The following STK32B variants were observed in gnomAD, a reference collection of about 807,000 sequenced individuals.
STK32B encodes serine/threonine kinase 32B.
In STK32B, 43 loss-of-function variants were observed where a neutral mutation model predicts 52.6. The observed-to-expected ratio is 0.82, with a 90% CI of 0.64 to 1.05. The LOEUF (loss-of-function observed/expected upper bound fraction) is 1.05. STK32B is among the 50% of genes least tolerant of loss of function. The probability of loss-of-function intolerance (pLI) is 0.00; values close to 1 mark genes in which losing one functional copy is unlikely to be tolerated. For synonymous variants in STK32B, 238 were observed against 204.3 expected (o/e 1.17, Z -1.41); for missense variants, 621 against 534.6 (o/e 1.16, Z -1.59).
At chr4:5,181,041 GA>G (rs2108753024) in intron 3 of STK32B, among the ~76,000 whole-genome samples, 1 of 152,274 alleles carries the variant, frequency 6.6e-6, no homozygotes, top group African/African-American at 2.4e-5. Context: ...GGGTGTGGGA[GA>G]GGAGGAAAGG....
intron 3 of STK32B, among the ~76,000 whole-genome samples, chr4:5,323,762 A>G (rs989877993): frequency 6.6e-6 from 1 of 152,128 alleles, no homozygotes; most frequent in African/African-American, 2.4e-5. Context: ...TGCTAAATGC[A>G]GGGGATGGTG....
intron 3 of STK32B, among the ~76,000 whole-genome samples, chr4:5,224,736 T>A (rs1723757325): frequency 6.6e-6 from 1 of 151,698 alleles, no homozygotes; most frequent in Admixed American, 6.6e-5. Context: ...CATCATTAAT[T>A]AATAATATTA....
At position 5,470,895 on chromosome 4, in the gene STK32B, G is replaced by GT. The variant is rs1553896319; in HGVS notation, c.1106+2826dup. Reference sequence around the variant, plus strand: ...CCTTCTTCCCCACTTGAGCAGTGTAGTGAGTCGAGGGCTGGTCAGGGGGAG... The same window carrying GT: ...CCTTCTTCCCCACTTGAGCAGTGTAGTTGAGTCGAGGGCTGGTCAGGGGGAG... On this transcript the variant is annotated intron_variant, in intron 11 of 11. Transcript: ENST00000282908. This position sits in a 1 kb window ranked among gnomAD's most constrained non-coding sequence, Gnocchi z 4.6. Among the ~76,000 whole-genome samples the GT allele has an allele frequency of 6.6e-6, 1 of 152,238 alleles. No homozygotes were observed. The highest frequency in any genetic ancestry group is 1.5e-5 in the Non-Finnish European group (1 of 68,048).
At chr4:5,244,584 T>C (rs1449175567) in intron 3 of STK32B, among the ~76,000 whole-genome samples, 2 of 152,252 alleles carry the variant, frequency 1.3e-5, no homozygotes, top group Non-Finnish European at 2.9e-5. Context: ...CCTTCAGTTC[T>C]GCTCTGATCT....
chr4:5,136,048 G>A (rs769659371), intron 1 of STK32B, among the ~76,000 whole-genome samples: 1 of 152,114 alleles, frequency 6.6e-6, no homozygotes, highest in Non-Finnish European at 1.5e-5. Context: ...TCAGGAGGTG[G>A]TACACACTGA....
intron 1 of STK32B, among the ~76,000 whole-genome samples, chr4:5,111,900 T>G (rs1394613472): frequency 6.6e-6 from 1 of 151,922 alleles, no homozygotes; most frequent in African/African-American, 2.4e-5. Flanking sequence ...GGAAGAGAAG[T>G]GAGACAGGGA....
chr4:5,232,521 C>T (rs1724342396), intron 3 of STK32B, among the ~76,000 whole-genome samples: 1 of 152,156 alleles, frequency 6.6e-6, no homozygotes, highest in African/African-American at 2.4e-5. Flanking sequence ...AGTTAAGGGA[C>T]TCCTTGAATT....
intron 1 of STK32B, among the ~76,000 whole-genome samples, chr4:5,094,048 C>T (rs902306557): frequency 6.6e-6 from 1 of 152,170 alleles, no homozygotes; most frequent in Non-Finnish European, 1.5e-5. Flanking sequence ...GCTATAGCTA[C>T]ACTGGCAGGC....
At chr4:5,363,947 C>A (rs1306311030) in intron 4 of STK32B, among the ~76,000 whole-genome samples, 1 of 152,050 alleles carries the variant, frequency 6.6e-6, no homozygotes, top group African/African-American at 2.4e-5. Flanking sequence ...CTCTCTCTAT[C>A]CCTACTAAGT....
intron 11 of STK32B, among the ~76,000 whole-genome samples, chr4:5,495,904 T>C (rs1720192692): frequency 6.6e-6 from 1 of 152,204 alleles, no homozygotes; most frequent in Non-Finnish European, 1.5e-5. Context: ...TTTCCTGAAC[T>C]GCGAATGCTG....
intron 1 of STK32B, among the ~76,000 whole-genome samples, chr4:5,112,301 G>T (rs929635245): frequency 3.9e-5 from 6 of 152,128 alleles, no homozygotes; most frequent in Non-Finnish European, 7.3e-5. Flanking sequence ...TATAAAAAGA[G>T]ATTTATTATA....
chr4:5,127,258 A>G (rs1715461647), intron 1 of STK32B: 4 of 432,288 alleles, frequency 9.3e-6, no homozygotes, highest in Admixed American at 2.5e-5. Flanking sequence ...TGGAATGGAT[A>G]TTAACCACAT....
At chr4:5,364,945 G>A (rs1734783998) in intron 4 of STK32B, among the ~76,000 whole-genome samples, 2 of 152,010 alleles carry the variant, frequency 1.3e-5, no homozygotes, top group South Asian at 2.1e-4. Context: ...GTGCAATCTC[G>A]GCCCACTGCA....
chr4:5,198,589 A>G (rs1315004555), intron 3 of STK32B, among the ~76,000 whole-genome samples: 2 of 152,146 alleles, frequency 1.3e-5, no homozygotes, highest in African/African-American at 4.8e-5. Context: ...AAGGGTAGAA[A>G]TGGACCCCTC....
intron 3 of STK32B, among the ~76,000 whole-genome samples, chr4:5,219,158 C>G (rs1477715635): frequency 6.6e-6 from 1 of 152,216 alleles, no homozygotes; most frequent in Non-Finnish European, 1.5e-5. Flanking sequence ...ACCAATGTTT[C>G]AACCCACGAG....
At chr4:5,229,842 A>G (rs1724132420) in intron 3 of STK32B, among the ~76,000 whole-genome samples, 1 of 152,150 alleles carries the variant, frequency 6.6e-6, no homozygotes, top group African/African-American at 2.4e-5. Flanking sequence ...TAGAATTTCA[A>G]AGGAACAATT....
At chr4:5,072,257 A>T (rs183920336) in intron 1 of STK32B, among the ~76,000 whole-genome samples, 39 of 152,210 alleles carry the variant, frequency 2.6e-4, no homozygotes, top group Admixed American at 2.3e-3. Context: ...GCAGACTCAA[A>T]ATTTTAATTG....
Position 5,467,857 on chromosome 4 carries a change from G to A in STK32B, c.1042-149G>A. The A allele has an allele frequency of 2.5e-6, 2 of 808,644 alleles. No individual in the cohort carries two copies. Among genetic ancestry groups the A allele is most frequent in the Non-Finnish European group, 2.1e-6 (1 of 487,262 alleles). The allele number at this position is 808,644 out of a possible 1,614,324, so 50.1% of individuals were successfully genotyped here. A position where few individuals can be genotyped will look rare whatever the true frequency, so the allele number is the denominator to read the frequency against. On this transcript the variant is annotated intron_variant, in intron 10 of 11. Coordinates refer to ENST00000282908, the MANE Select transcript of STK32B (RefSeq NM_018401.3). The surrounding 1 kb of genome is among the most constrained non-coding windows in gnomAD (Gnocchi z 5.8). Reference sequence around the variant, plus strand: ...TGGACACAGCCACCCATGCAGTCAGGGTCAGCCCCAGACACTTAGCTTGGC... The same window carrying A: ...TGGACACAGCCACCCATGCAGTCAGAGTCAGCCCCAGACACTTAGCTTGGC...
chr4:5,481,735 T>G (rs1402979667), intron 11 of STK32B, among the ~76,000 whole-genome samples: 1 of 152,206 alleles, frequency 6.6e-6, no homozygotes, highest in Non-Finnish European at 1.5e-5. Context: ...ATTTAAGTCT[T>G]TAATCCATCT....
Sources: allele counts gnomAD v4.1 joint callset (sites outside exome capture counted in the v4.1 genomes callset), GRCh38; gene constraint gnomAD v4.1.1; non-coding constraint Gnocchi (gnomAD v3.1); transcripts MANE v1.5; gene names NCBI Gene and HGNC (gene_info 2026-07-23, HGNC 2026-07-21).